Variants in ACSM5 observed in about 807,000 individuals in gnomAD.
ACSM5 encodes acyl-coenzyme A synthetase ACSM5, mitochondrial.
A neutral mutation model predicts 71.6 loss-of-function variants in ACSM5; 56 were observed. The observed-to-expected ratio is 0.78, with a 90% CI of 0.63 to 0.98. ACSM5 has a LOEUF of 0.98. Among genes scored for constraint, ACSM5 ranks in the 50% least tolerant of loss-of-function variants. The pLI is 0.00. For synonymous variants in ACSM5, 285 were observed against 281.5 expected (o/e 1.01, Z -0.12); for missense variants, 723 against 726.0 (o/e 1.00, Z 0.05).
At chr16:20,437,235 G>C (rs769493975) in intron 11 of ACSM5, 33 bp from the exon 12 acceptor site, 5 of 1,614,150 alleles carry the variant, frequency 3.1e-6, no homozygotes, top group Non-Finnish European at 4.2e-6. Flanking sequence ...GTTGAGGGAA[G>C]CCCACTTGGA....
In ACSM5 at chr16:20,421,116, G is replaced by C; in HGVS notation, c.624-142G>C. On this transcript the variant is annotated intron_variant, in intron 4 of 13. Transcript: ENST00000331849. ...GTACCTACCCCATGAGGTGGTTGCA[G>C]ATTACCCAAGCCAGAGCTTTCAGCA... 5.4e-6 allele frequency: 6 copies of C among 1,108,574 alleles called. No individual in the cohort carries two copies. The South Asian group carries it at 1.4e-4, about 26-fold the overall frequency. The allele number at this position is 1,108,574 out of a possible 1,614,324, so 68.7% of individuals were successfully genotyped here.
rs140672241 is a variant in ACSM5 at position 20,437,170 on chromosome 16, A to G, written c.1427A>G (p.Asn476Ser). The change falls in exon 11 of 14, where the codon AAT (asparagine) becomes AGT (serine). Residue 476 changes from asparagine (N) to serine (S), a missense_variant. Coordinates refer to ENST00000331849, the MANE Select transcript of ACSM5 (RefSeq NM_017888.3). ...ATGGGAAGAAACGACGATGTGATCAATTCTTCAAGGTCAAGCTGTCTGCAC... is the reference window on the plus strand; with the variant it reads ...ATGGGAAGAAACGACGATGTGATCAGTTCTTCAAGGTCAAGCTGTCTGCAC... ...WFMGRNDDVI[N>S]SSSYRIGPVE... 9 of 1,614,204 alleles carry G rather than the reference A, an allele frequency of 5.6e-6. No homozygotes were observed. In the African/African-American group the frequency reaches 6.7e-5, roughly 12 times the overall value.
chr16:20,432,847 CTTTTTTTT>C (rs56853520), intron 10 of ACSM5, among the ~76,000 whole-genome samples: 5 of 57,604 alleles, frequency 8.7e-5, no homozygotes, highest in Middle Eastern at 0.011. Context: ...CCAGATCATT[CTTTTTTTT>C]TTTTTTTTTT....
chr16:20,435,482 T>A (rs1967173146), intron 10 of ACSM5, among the ~76,000 whole-genome samples: 1 of 152,216 alleles, frequency 6.6e-6, no homozygotes, highest in Non-Finnish European at 1.5e-5. Context: ...CCTTGTTGAA[T>A]TGAGATATAA....
chr16:20,417,007 A>G (rs1159932794), intron 2 of ACSM5, among the ~76,000 whole-genome samples: 25 of 144,408 alleles, frequency 1.7e-4, no homozygotes, highest in Non-Finnish European at 7.5e-5. Context: ...ATACCACTTC[A>G]TAACCAGTGG....
At chr16:20,415,147 A>G (rs891181473) in intron 2 of ACSM5, among the ~76,000 whole-genome samples, 1 of 152,174 alleles carries the variant, frequency 6.6e-6, no homozygotes, top group Non-Finnish European at 1.5e-5. Context: ...TGCTGAAGGA[A>G]AGAAATAGAC....
chr16:20,433,033 T>C (rs1447207795), intron 10 of ACSM5, among the ~76,000 whole-genome samples: 1 of 152,052 alleles, frequency 6.6e-6, no homozygotes. Context: ...AATTTTGGTA[T>C]TTTTAGTAGA....
intron 2 of ACSM5, among the ~76,000 whole-genome samples, chr16:20,416,297 A>AT (rs1251241542): frequency 6.6e-6 from 1 of 152,024 alleles, no homozygotes; most frequent in Non-Finnish European, 1.5e-5. Context: ...AAAAAAAAAA[A>AT]AAAGAAGACT....
intron 6 of ACSM5, among the ~76,000 whole-genome samples, 188 bp from the exon 7 acceptor site, chr16:20,427,600 G>A (rs1237228947): frequency 6.6e-6 from 1 of 152,224 alleles, no homozygotes; most frequent in Non-Finnish European, 1.5e-5. Flanking sequence ...TGAGGTGAGA[G>A]GGGATCCTCC....
intron 12 of ACSM5, 56 bp downstream of exon 12, chr16:20,437,423 C>A (rs1967225541): frequency 7.8e-7 from 1 of 1,283,896 alleles, no homozygotes; most frequent in East Asian, 2.3e-5. Context: ...TAGCACCCAG[C>A]AGAACAAGCA....
chr16:20,436,112 T>C (rs76942853), intron 10 of ACSM5, among the ~76,000 whole-genome samples: 140 of 141,578 alleles, frequency 9.9e-4, no homozygotes, highest in African/African-American at 2.8e-3. Context: ...TTCTTTCTTT[T>C]TCTCTTTCTT....
In ACSM5 at chr16:20,427,883, T is replaced by C; in HGVS notation, c.1001+16T>C. ...ATCTGACCAGGTACAGCCCGTCTAT[T>C]TCGTGCTTTGAGGGCCTAAGTATGT... On this transcript the variant is annotated intron_variant, in intron 7 of 13. Transcript: ENST00000331849. The C allele has an allele frequency of 6.2e-7, 1 of 1,602,174 alleles. No homozygotes were observed. The highest frequency in any genetic ancestry group is 8.5e-7 in the Non-Finnish European group (1 of 1,169,736).
chr16:20,431,144 C>A (rs564107665), intron 9 of ACSM5, 71 bp downstream of exon 9: 1 of 1,596,952 alleles, frequency 6.3e-7, no homozygotes, highest in South Asian at 1.1e-5. Flanking sequence ...CTGGTTGGCA[C>A]GGGCTGCTGG....
intron 10 of ACSM5, among the ~76,000 whole-genome samples, chr16:20,434,381 C>A (rs76545275): frequency 6.6e-6 from 1 of 152,120 alleles, no homozygotes; most frequent in Non-Finnish European, 1.5e-5. Context: ...ATCTGTCATG[C>A]TAATTTTGTC....
rs978759166 is a variant in ACSM5, at chr16:20,441,027, G to C, written c.*600G>C. 1 of 152,020 alleles carries C rather than the reference G, an allele frequency of 6.6e-6. No homozygotes were observed. The highest frequency in any genetic ancestry group is 1.5e-5 in the Non-Finnish European group (1 of 68,060). 9.4% of individuals were successfully genotyped at this position (152,020 alleles called of 1,614,324 possible). A position where few individuals can be genotyped will look rare whatever the true frequency, so the allele number is the denominator to read the frequency against. On this transcript the variant is annotated 3_prime_UTR_variant, in exon 14 of 14. Coordinates refer to ENST00000331849, the MANE Select transcript of ACSM5 (RefSeq NM_017888.3). Reference sequence around the variant, plus strand: ...GGAAATGATTAACAAAATTGTAGTAGATTAACTCAATTACATATGATGTAG... The same window carrying C: ...GGAAATGATTAACAAAATTGTAGTACATTAACTCAATTACATATGATGTAG...
At chr16:20,428,271 G>A (rs1363036156) in intron 7 of ACSM5, among the ~76,000 whole-genome samples, 2 of 152,222 alleles carry the variant, frequency 1.3e-5, no homozygotes, top group Non-Finnish European at 2.9e-5. Flanking sequence ...TTAGCCACCT[G>A]TGGAGTGGGG....
intron 6 of ACSM5, among the ~76,000 whole-genome samples, chr16:20,424,928 T>C (rs1464630768): frequency 1.3e-5 from 2 of 152,258 alleles, no homozygotes; most frequent in Non-Finnish European, 2.9e-5. Flanking sequence ...AGGCATGCAA[T>C]GCGTGAAAAT....
In ACSM5 at chr16:20,439,874, G is replaced by A; in HGVS notation, c.1611G>A (p.Gln537=). 6.2e-7 allele frequency: 1 copy of A among 1,612,408 alleles called. No homozygotes were observed. Among genetic ancestry groups the A allele is most frequent in the African/African-American group, 1.3e-5 (1 of 74,982 alleles). Residue 537 remains glutamine, a synonymous_variant, in exon 13 of 14, where the codon CAG becomes CAA. Transcript: ENST00000331849. The part of the protein sequence containing the change: ...HDPEALTREL[Q]EHVKRVTAPY... ...CAGAGGCACTAACGCGGGAACTCCA[G>A]GAGCATGTGAAAAGGGTGACTGCTC...
chr16:20,430,595 G>A (rs1171347859), intron 8 of ACSM5, among the ~76,000 whole-genome samples: 1 of 150,780 alleles, frequency 6.6e-6, no homozygotes, highest in African/African-American at 2.4e-5. Flanking sequence ...GAAAGAGAAA[G>A]GAAAAGAAGG....
Sources: gnomAD v4.1 joint callset for allele counts (sites outside exome capture counted in the v4.1 genomes callset) on GRCh38, gnomAD v4.1.1 for gene constraint, MANE v1.5 for transcripts, NCBI Gene and HGNC (gene_info 2026-07-23, HGNC 2026-07-21) for gene names.